COPS2: variants seen among roughly 807,000 people sequenced by gnomAD.
The protein encoded by COPS2 is COP9 signalosome complex subunit 2.
A neutral mutation model predicts 66.1 loss-of-function variants in COPS2; 10 were observed. The ratio of observed to expected loss-of-function variants is 0.15; its 90% CI spans 0.09 to 0.26. COPS2 has a LOEUF of 0.26. Ranked by LOEUF, COPS2 falls within the 10% of genes least tolerant of loss-of-function variation. The probability of loss-of-function intolerance (pLI) is 1.00; values close to 1 mark genes in which losing one functional copy is unlikely to be tolerated. For synonymous variants in COPS2, 179 were observed against 171.3 expected (o/e 1.04, Z -0.35); for missense variants, 215 against 513.3 (o/e 0.42, Z 5.62).
At chr15:49,143,976 G>GAA (rs369962039) in intron 3 of COPS2, among the ~76,000 whole-genome samples, 55 of 145,386 alleles carry the variant, frequency 3.8e-4, no homozygotes, top group South Asian at 4.4e-4. Context: ...ACAGAGCGGG[G>GAA]GAAAAAAAAA....
At chr15:49,137,088 T>G in intron 6 of COPS2, 62 bp downstream of exon 6, 1 of 1,009,122 alleles carries the variant, frequency 9.9e-7, no homozygotes, top group Non-Finnish European at 1.5e-6. Context: ...TTGAATATAA[T>G]TATTGCTTAT....
rs889672074 is a variant in COPS2, at chr15:49,129,709, T to C, written c.1046-150A>G. 1.5e-5 allele frequency: 6 copies of C among 408,800 alleles called. No homozygotes were observed. In the East Asian group the frequency reaches 1.6e-4, roughly 11 times the overall value. 25.3% of individuals were successfully genotyped at this position (408,800 alleles called of 1,614,324 possible). ...TTAGATTTTAAAATACCTGGGTCAA[T>C]GGATGGACAGTATGATCAGCTGCTG... On this transcript the variant is annotated intron_variant, in intron 10 of 12. Transcript: ENST00000388901.
At chr15:49,153,579 A>T (rs2084377335) in intron 1 of COPS2, among the ~76,000 whole-genome samples, 1 of 152,212 alleles carries the variant, frequency 6.6e-6, no homozygotes, top group South Asian at 2.1e-4. Flanking sequence ...TATTAAAGGA[A>T]TACCTGCACT....
In COPS2 at chr15:49,129,507, G is replaced by T; in HGVS notation, c.1098C>A (p.Tyr366Ter). The T allele has an allele frequency of 6.7e-7, 1 of 1,497,938 alleles. No homozygotes were observed. The highest frequency in any genetic ancestry group is 9.0e-7 in the Non-Finnish European group (1 of 1,113,886). 92.8% of individuals were successfully genotyped at this position (1,497,938 alleles called of 1,614,324 possible). Residue 366 changes from tyrosine (Y) to a stop codon, truncating the protein, a stop_gained, in exon 11 of 13, where the codon TAC becomes TAA. Coordinates refer to ENST00000388901, the MANE Select transcript of COPS2 (RefSeq NM_004236.4). LOFTEE classifies it high-confidence loss of function. ...AAATAAAAGGAATATGTATTCTTGT[G>T]TAAGGCTTAATTAATTTTATAAGCA... The part of the protein sequence containing the change: ...TQVLIKLIKP[Y>*]TRIHIPFISK...
At chr15:49,153,330 A>G (rs1042505642) in intron 1 of COPS2, among the ~76,000 whole-genome samples, 1 of 149,236 alleles carries the variant, frequency 6.7e-6, no homozygotes, top group African/African-American at 2.5e-5. Context: ...AAAAAAAAAA[A>G]GGTCAATATC....
intron 1 of COPS2, 116 bp from the exon 2 acceptor site, chr15:49,145,194 A>C (rs1023756886): frequency 1.9e-6 from 1 of 527,420 alleles, no homozygotes; most frequent in Non-Finnish European, 3.3e-6. Context: ...AAAACAAAAC[A>C]ACCTTGAATA....
chr15:49,139,320 A>G (rs2084274831), intron 4 of COPS2: 1 of 439,864 alleles, frequency 2.3e-6, no homozygotes, highest in East Asian at 4.4e-5. Context: ...GGCATTATTT[A>G]AAGAGATCAA....
intron 9 of COPS2, among the ~76,000 whole-genome samples, chr15:49,132,354 CTTTTT>C (rs573971229): frequency 6.9e-6 from 1 of 144,428 alleles, no homozygotes; most frequent in Admixed American, 6.9e-5. Context: ...AAAAAAAACG[CTTTTT>C]TTTTTACAGC....
chr15:49,131,927 T>C (rs1465775535), intron 9 of COPS2, among the ~76,000 whole-genome samples: 1 of 152,204 alleles, frequency 6.6e-6, no homozygotes, highest in Non-Finnish European at 1.5e-5. Flanking sequence ...TTTTGAGTTC[T>C]AATACAGTGG....
At chr15:49,128,275 T>C (rs2084183900) in intron 12 of COPS2, among the ~76,000 whole-genome samples, 181 bp from the exon 13 acceptor site, 1 of 152,154 alleles carries the variant, frequency 6.6e-6, no homozygotes, top group Admixed American at 6.6e-5. Flanking sequence ...GAAACCAGAT[T>C]TCAGATACTT....
At chr15:49,143,979 A>G (rs1483918252) in intron 3 of COPS2, among the ~76,000 whole-genome samples, 2 of 151,054 alleles carry the variant, frequency 1.3e-5, no homozygotes, top group African/African-American at 2.4e-5. Flanking sequence ...GAGCGGGGGA[A>G]AAAAAAAAAA....
intron 4 of COPS2, 34 bp from the exon 5 acceptor site, chr15:49,137,471 A>G (rs746809489): frequency 1.3e-6 from 2 of 1,496,880 alleles, no homozygotes; most frequent in Non-Finnish European, 9.3e-7. Context: ...ATAATTGTAA[A>G]CAGCAAATTT....
At chr15:49,151,117 T>C (rs952151054) in intron 1 of COPS2, among the ~76,000 whole-genome samples, 1 of 152,228 alleles carries the variant, frequency 6.6e-6, no homozygotes, top group South Asian at 2.1e-4. Context: ...TATCCAAATA[T>C]AGGCCAGGCG....
Position 49,123,560 on chromosome 15 carries a change from C to T in COPS2, c.*4390G>A, listed in dbSNP as rs1016740185. 1 of 152,188 alleles carries T rather than the reference C, an allele frequency of 6.6e-6. No homozygotes were observed. Among genetic ancestry groups the T allele is most frequent in the African/African-American group, 2.4e-5 (1 of 41,448 alleles). 9.4% of individuals were successfully genotyped at this position (152,188 alleles called of 1,614,324 possible). A position where few individuals can be genotyped will look rare whatever the true frequency, so the allele number is the denominator to read the frequency against. On this transcript the variant is annotated 3_prime_UTR_variant, in exon 13 of 13. Transcript: ENST00000388901. Reference sequence around the variant, plus strand: ...ATGTTTCACTTATTACATATGTATACATATGCACACAAAAAAGTTTTGGTC... The same window carrying T: ...ATGTTTCACTTATTACATATGTATATATATGCACACAAAAAAGTTTTGGTC...
intron 1 of COPS2, among the ~76,000 whole-genome samples, chr15:49,152,150 A>G (rs1311744421): frequency 6.6e-6 from 1 of 150,844 alleles, no homozygotes; most frequent in Admixed American, 6.6e-5. Context: ...TCAATTACGC[A>G]CATTTTTTAA....
At chr15:49,149,905 A>C (rs546749767) in intron 1 of COPS2, among the ~76,000 whole-genome samples, 81 of 152,336 alleles carry the variant, frequency 5.3e-4, no homozygotes, top group African/African-American at 1.6e-3. Flanking sequence ...TGGTTTAGCT[A>C]CTGATAAAGT....
intron 1 of COPS2, among the ~76,000 whole-genome samples, chr15:49,150,261 A>T (rs200665145): frequency 2.1e-4 from 29 of 140,350 alleles, no homozygotes; most frequent in African/African-American, 7.8e-4. Context: ...AAAAAAAAAA[A>T]ATAAATAAAA....
In COPS2 at chr15:49,123,125, C is replaced by A. The variant is rs544088493; in HGVS notation, c.*4825G>T. On this transcript the variant is annotated 3_prime_UTR_variant, in exon 13 of 13. Coordinates refer to ENST00000388901, the MANE Select transcript of COPS2 (RefSeq NM_004236.4). ...TAGATGCATAAAAATTTATTACTGT[C>A]GTAAACAGTAAGGGATAGGCAAACA... 109 of 152,182 alleles carry A rather than the reference C, an allele frequency of 7.2e-4. No homozygotes were observed. Among genetic ancestry groups the A allele is most frequent in the Middle Eastern group, 3.4e-3 (1 of 294 alleles). 9.4% of individuals were successfully genotyped at this position (152,182 alleles called of 1,614,324 possible). A position where few individuals can be genotyped will look rare whatever the true frequency, so the allele number is the denominator to read the frequency against.
intron 9 of COPS2, among the ~76,000 whole-genome samples, chr15:49,131,791 C>A (rs2084211146): frequency 2.0e-5 from 3 of 152,098 alleles, no homozygotes; most frequent in Admixed American, 6.5e-5. Flanking sequence ...TATTTGTGTA[C>A]ATACATATTT....
Sources: allele counts gnomAD v4.1 joint callset (sites outside exome capture counted in the v4.1 genomes callset), GRCh38; gene constraint gnomAD v4.1.1; transcripts MANE v1.5; gene names NCBI Gene and HGNC (gene_info 2026-07-23, HGNC 2026-07-21).